The following GABBR2 variants were observed in gnomAD, a reference collection of about 807,000 sequenced individuals.
GABBR2 encodes gamma-aminobutyric acid type B receptor subunit 2.
In GABBR2, 23 loss-of-function variants were observed where a neutral mutation model predicts 105.6. The observed-to-expected ratio is 0.22, with a 90% CI of 0.16 to 0.31. The LOEUF is 0.31. Ranked by LOEUF, GABBR2 falls within the 10% of genes least tolerant of loss-of-function variation. The probability of loss-of-function intolerance (pLI) is 1.00; values close to 1 mark genes in which losing one functional copy is unlikely to be tolerated. For missense variants in GABBR2, 734 were observed against 1,245.5 expected, an observed-to-expected ratio of 0.59 and a Z score of 6.18; for synonymous variants, 478 against 499.7, an observed-to-expected ratio of 0.96 and a Z score of 0.58.
chr9:98,368,762 C>A (rs74514210), intron 12 of GABBR2, among the ~76,000 whole-genome samples: 3,094 of 152,288 alleles, frequency 0.02, 47 homozygotes, highest in African/African-American at 0.031. Flanking sequence ...GGTTCAAGAG[C>A]AGAACAGCTC....
chr9:98,674,919 C>A (rs538264950), intron 1 of GABBR2, among the ~76,000 whole-genome samples: 10 of 152,238 alleles, frequency 6.6e-5, no homozygotes, highest in African/African-American at 2.4e-4. Flanking sequence ...CTCTTTCTGC[C>A]TCCCTAGGCT....
At chr9:98,583,040 G>GA (rs1829023579) in intron 1 of GABBR2, among the ~76,000 whole-genome samples, 1 of 152,066 alleles carries the variant, frequency 6.6e-6, no homozygotes, top group Non-Finnish European at 1.5e-5. Context: ...CAGCATTCTA[G>GA]AAAAAAAGAC....
intron 3 of GABBR2, among the ~76,000 whole-genome samples, chr9:98,500,744 G>C (rs1827381732): frequency 6.6e-6 from 1 of 152,200 alleles, no homozygotes; most frequent in East Asian, 1.9e-4. Context: ...TACAAGAACT[G>C]GTGTGGCCCA....
intron 3 of GABBR2, among the ~76,000 whole-genome samples, chr9:98,535,184 A>T (rs925911248): frequency 7.2e-5 from 11 of 151,932 alleles, no homozygotes; most frequent in Non-Finnish European, 1.6e-4. Context: ...TGCAACCTCC[A>T]CCTCTCAGGT....
intron 1 of GABBR2, among the ~76,000 whole-genome samples, chr9:98,668,161 G>T (rs1373831237): frequency 6.6e-6 from 1 of 152,146 alleles, no homozygotes; most frequent in Non-Finnish European, 1.5e-5. Flanking sequence ...TCCTCTTTTG[G>T]CCACAGTCGA....
chr9:98,535,226 T>C (rs1828150295), intron 3 of GABBR2, among the ~76,000 whole-genome samples: 1 of 152,086 alleles, frequency 6.6e-6, no homozygotes, highest in Non-Finnish European at 1.5e-5. Context: ...GCCTCCCAAG[T>C]AGCTGGAATT....
intron 13 of GABBR2, among the ~76,000 whole-genome samples, chr9:98,345,688 G>A (rs1011695950): frequency 4.6e-5 from 7 of 152,182 alleles, no homozygotes; most frequent in African/African-American, 9.7e-5. Flanking sequence ...TGACATGATC[G>A]TCTATATAGA....
At chr9:98,648,549 G>A (rs1204115682) in intron 1 of GABBR2, among the ~76,000 whole-genome samples, 4 of 152,134 alleles carry the variant, frequency 2.6e-5, no homozygotes, top group African/African-American at 9.7e-5. Context: ...ACTTGACAGC[G>A]CCTCTCCAGG....
chr9:98,518,722 G>T (rs1429488617), intron 3 of GABBR2, among the ~76,000 whole-genome samples: 1 of 152,204 alleles, frequency 6.6e-6, no homozygotes, highest in African/African-American at 2.4e-5. Flanking sequence ...CAGGTGTCTG[G>T]GGGAGGATGC....
chr9:98,689,308 G>T (rs1233709680), intron 1 of GABBR2, among the ~76,000 whole-genome samples: 2 of 152,178 alleles, frequency 1.3e-5, no homozygotes, highest in East Asian at 3.8e-4. Flanking sequence ...CTTTAGGCAG[G>T]TTATTGAAAC....
intron 1 of GABBR2, among the ~76,000 whole-genome samples, chr9:98,643,226 A>G (rs567850787): frequency 6.6e-6 from 1 of 152,340 alleles, no homozygotes; most frequent in African/African-American, 2.4e-5. Flanking sequence ...CTGCTGTGAG[A>G]TCCTAGCAGA....
Position 98,678,076 on chromosome 9 carries a change from A to G in GABBR2, c.321+30341T>C, listed in dbSNP as rs538716656. Among the ~76,000 whole-genome samples, 6 of 152,002 alleles carry G rather than the reference A, an allele frequency of 3.9e-5. No individual in the cohort carries two copies. The South Asian group carries it at 1.0e-3, about 26-fold the overall frequency. On this transcript the variant is annotated intron_variant, in intron 1 of 18. Coordinates refer to ENST00000259455, the MANE Select transcript of GABBR2 (RefSeq NM_005458.8). The stretch of plus-strand genomic sequence containing the variant: ...GAACTCTCGTTTTGTTCATTGATGT[A>G]CCCTCCCTCAACCCCCACTGTCTAC...
intron 8 of GABBR2, 83 bp downstream of exon 8, chr9:98,405,998 C>A: frequency 1.3e-6 from 1 of 799,988 alleles, no homozygotes; most frequent in Non-Finnish European, 2.2e-6. Context: ...ACTTGCATTC[C>A]TTTTGATGTA....
At chr9:98,356,908 T>C (rs1432692285) in intron 13 of GABBR2, among the ~76,000 whole-genome samples, 1 of 152,182 alleles carries the variant, frequency 6.6e-6, no homozygotes, top group African/African-American at 2.4e-5. Context: ...CAAAAATATA[T>C]GTAGGAACCT....
chr9:98,521,567 CAA>C (rs1827866717), intron 3 of GABBR2, among the ~76,000 whole-genome samples: 1 of 152,172 alleles, frequency 6.6e-6, no homozygotes, highest in Non-Finnish European at 1.5e-5. Flanking sequence ...GGCAAGTAAA[CAA>C]AGTCAGAGGC....
chr9:98,480,048 A>G (rs1426226363), intron 5 of GABBR2, among the ~76,000 whole-genome samples: 2 of 152,158 alleles, frequency 1.3e-5, no homozygotes, highest in Non-Finnish European at 2.9e-5. Flanking sequence ...TAGAATTCCT[A>G]TTTATAACCT....
At chr9:98,325,607 G>C (rs1830909167) in intron 13 of GABBR2, among the ~76,000 whole-genome samples, 1 of 152,164 alleles carries the variant, frequency 6.6e-6, no homozygotes, top group East Asian at 1.9e-4. Flanking sequence ...CAGCAATTCT[G>C]AGGTTAGAGA....
At chr9:98,462,361 A>C (rs534101485) in intron 6 of GABBR2, among the ~76,000 whole-genome samples, 8 of 152,338 alleles carry the variant, frequency 5.3e-5, no homozygotes, top group Admixed American at 2.0e-4. Context: ...GTGAAAAGAT[A>C]AGCCACAGAA....
intron 17 of GABBR2, among the ~76,000 whole-genome samples, chr9:98,297,239 C>A (rs10985779): frequency 0.14 from 21,111 of 152,128 alleles, 1,779 homozygotes; most frequent in Non-Finnish European, 0.18. Context: ...TCAATTTAAA[C>A]GTTTTTGCAA....
Sources: allele counts gnomAD v4.1 joint callset (sites outside exome capture counted in the v4.1 genomes callset), GRCh38; gene constraint gnomAD v4.1.1; transcripts MANE v1.5; gene names NCBI Gene and HGNC (gene_info 2026-07-23, HGNC 2026-07-21).